DNAH7: variants seen among roughly 807,000 people sequenced by gnomAD.
The protein encoded by DNAH7 is axonemal beta dynein heavy chain 7.
A neutral mutation model predicts 444.6 loss-of-function variants in DNAH7; 397 were observed. That is an observed-to-expected ratio of 0.89 (90% CI 0.82 to 0.97). DNAH7 has a LOEUF of 0.97. Among genes scored for constraint, DNAH7 ranks in the 50% least tolerant of loss-of-function variants. The pLI is 0.00. For synonymous variants in DNAH7, 1,636 were observed against 1,624.4 expected (o/e 1.01, Z -0.17); for missense variants, 4,902 against 4,800.8 (o/e 1.02, Z -0.62).
chr2:196,016,030 C>T (rs191047622), intron 9 of DNAH7, among the ~76,000 whole-genome samples: 130 of 152,304 alleles, frequency 8.5e-4, no homozygotes, highest in African/African-American at 3.1e-3. Context: ...TCTCTGCCAC[C>T]ACAACTACGG....
Position 195,787,161 on chromosome 2 carries a change from T to C in DNAH7, c.10727A>G (p.Lys3576Arg), listed in dbSNP as rs1695660751. Reference sequence around the variant, plus strand: ...GAAACACAGGCCATAAAGCAATTTCTTGAATTCCTCCTGTAATGAGAAGAA... The same window carrying C: ...GAAACACAGGCCATAAAGCAATTTCCTGAATTCCTCCTGTAATGAGAAGAA... The part of the protein sequence containing the change: ...FGSCKKPEEF[K>R]KLLYGLCFFH... Residue 3576 changes from lysine to arginine, a missense_variant, in exon 58 of 65, where the codon AAG becomes AGG. Physicochemically the swap from Lys to Arg is conservative, Grantham distance 26. Transcript: ENST00000312428. 6.3e-7 allele frequency: 1 copy of C among 1,599,846 alleles called. No individual in the cohort carries two copies. Among genetic ancestry groups the C allele is most frequent in the Non-Finnish European group, 8.5e-7 (1 of 1,176,260 alleles).
chr2:195,863,150 G>C (rs901830241), intron 41 of DNAH7, among the ~76,000 whole-genome samples: 1 of 152,240 alleles, frequency 6.6e-6, no homozygotes, highest in African/African-American at 2.4e-5. Flanking sequence ...CAGAGGTCTT[G>C]TCTATTTCAT....
At position 195,738,120 on chromosome 2, in the gene DNAH7, A is replaced by C. The variant is rs1212122374; in HGVS notation, c.11876T>G (p.Leu3959Arg). 6.2e-7 allele frequency: 1 copy of C among 1,613,646 alleles called. No homozygotes were observed. Among genetic ancestry groups the C allele is most frequent in the South Asian group, 1.1e-5 (1 of 91,066 alleles). ...ILYDTVPVMW[L>R]KPCKRADIPK... ...TATATCTGCCCTCTTACAGGGCTTT[A>C]GCCACATCTGGAAGAAAGTACATAA... Residue 3959 changes from leucine (L) to arginine (R), a missense_variant, in exon 65 of 65, where the codon CTA (leucine) becomes CGA (arginine). Transcript: ENST00000312428.
intron 58 of DNAH7, among the ~76,000 whole-genome samples, chr2:195,778,633 T>TAAAA (rs1187749777): frequency 3.3e-5 from 1 of 30,290 alleles, no homozygotes; most frequent in African/African-American, 1.3e-4. Context: ...AAAAAAAAAA[T>TAAAA]AAATAAATAA....
chr2:196,045,795 G>C (rs1456361792), intron 5 of DNAH7, among the ~76,000 whole-genome samples: 3 of 151,498 alleles, frequency 2.0e-5, no homozygotes, highest in Non-Finnish European at 4.4e-5. Flanking sequence ...TAAAAATAAA[G>C]GAAGAATAGA....
intron 21 of DNAH7, among the ~76,000 whole-genome samples, chr2:195,931,758 C>G (rs1376347952): frequency 6.6e-6 from 1 of 152,128 alleles, no homozygotes; most frequent in Non-Finnish European, 1.5e-5. Context: ...TTTCTGAGGG[C>G]TCTGTTCTGT....
Position 195,864,157 on chromosome 2 carries a change from A to G in DNAH7, c.7498T>C (p.Trp2500Arg), listed in dbSNP as rs1700180904. 2 of 1,611,814 alleles carry G rather than the reference A, an allele frequency of 1.2e-6. No individual in the cohort carries two copies. Among genetic ancestry groups the G allele is most frequent in the Non-Finnish European group, 1.7e-6 (2 of 1,178,098 alleles). ...PALVNCCTID[W>R]FQSWPEDALQ... Reference sequence around the variant, plus strand: ...AATGTACATGACAATACCTGAAACCAGTCAATGGTACAGCAGTTAACAAGA... The same window carrying G: ...AATGTACATGACAATACCTGAAACCGGTCAATGGTACAGCAGTTAACAAGA... Residue 2500 changes from tryptophan to arginine, a missense_variant, in exon 41 of 65, where the codon TGG becomes CGG. Trp to Arg is a moderately radical substitution (Grantham distance 101, BLOSUM62 -3). Coordinates refer to ENST00000312428, the MANE Select transcript of DNAH7 (RefSeq NM_018897.3).
chr2:195,805,626 T>TA (rs557384741), intron 54 of DNAH7, among the ~76,000 whole-genome samples: 2 of 152,090 alleles, frequency 1.3e-5, no homozygotes, highest in African/African-American at 2.4e-5. Flanking sequence ...CTTTCTCCTT[T>TA]AAAAAAAATT....
At position 195,857,370 on chromosome 2, in the gene DNAH7, C is replaced by G; in HGVS notation, c.8414+7G>C. On this transcript the variant is annotated splice_region_variant and intron_variant, in intron 44 of 64. Transcript: ENST00000312428. Reference sequence around the variant, plus strand: ...TACCAGCTGGATTTCTTTTTATCAGCACTTACTTATCATATGAATCCATTG... The same window carrying G: ...TACCAGCTGGATTTCTTTTTATCAGGACTTACTTATCATATGAATCCATTG... The G allele has an allele frequency of 6.5e-7, 1 of 1,549,690 alleles. No homozygotes were observed. The highest frequency in any genetic ancestry group is 8.7e-7 in the Non-Finnish European group (1 of 1,154,444).
In DNAH7 at chr2:195,810,038, T is replaced by C. The variant is rs555104208; in HGVS notation, c.9762-167A>G. 9.2e-5 allele frequency among the ~76,000 whole-genome samples: 14 copies of C among 152,166 alleles called. 1 individual carries two copies. The East Asian group carries it at 2.7e-3, about 29-fold the overall frequency. On this transcript the variant is annotated intron_variant, in intron 51 of 64. Coordinates refer to ENST00000312428, the MANE Select transcript of DNAH7 (RefSeq NM_018897.3). ...GTACCAATTTGAGAGCTACACAATG[T>C]AGAAACACTTCAGTCCAATTGCATT...
chr2:196,062,431 G>T (rs1029935837), intron 1 of DNAH7, among the ~76,000 whole-genome samples: 3 of 152,166 alleles, frequency 2.0e-5, no homozygotes, highest in Admixed American at 6.5e-5. Context: ...CACATCTCCA[G>T]TCCTATTGGA....
At chr2:195,789,160 A>T (rs1366880218) in intron 57 of DNAH7, among the ~76,000 whole-genome samples, 1 of 152,154 alleles carries the variant, frequency 6.6e-6, no homozygotes, top group Non-Finnish European at 1.5e-5. Context: ...TAATCACCAG[A>T]TAATAGAATT....
chr2:195,867,314 GT>G (rs1191614560), intron 40 of DNAH7, among the ~76,000 whole-genome samples: 5 of 152,108 alleles, frequency 3.3e-5, no homozygotes, highest in African/African-American at 1.2e-4. Context: ...ATTTTAAAAA[GT>G]TGACACTTAA....
chr2:195,775,135 A>C (rs1413874576), intron 60 of DNAH7, among the ~76,000 whole-genome samples: 1 of 152,190 alleles, frequency 6.6e-6, no homozygotes, highest in Non-Finnish European at 1.5e-5. Flanking sequence ...AACCCAATCT[A>C]TCTCTTAATA....
intron 58 of DNAH7, among the ~76,000 whole-genome samples, chr2:195,778,632 ATAAATAAATAAAT>A (rs1363823505): frequency 3.5e-5 from 2 of 57,328 alleles, no homozygotes; most frequent in African/African-American, 1.8e-4. Context: ...AAAAAAAAAA[ATAAATAAATAAAT>A]ATATATATAT....
chr2:195,960,917 G>T lies in DNAH7; in HGVS notation c.2234C>A (p.Ala745Glu). The change falls in exon 18 of 65, where the codon GCA (alanine) becomes GAA (glutamate). Residue 745 changes from alanine to glutamate, a missense_variant. Ala to Glu is a moderately radical substitution (Grantham distance 107). Transcript: ENST00000312428. ...ATATACAGATGGTAGCCAACCAAAT[G>T]CTTCCTCTTCAGCATTAAACTGCTC... Reference protein sequence around the residue: ...KIEQFNAEEEAFGWLPSVYPQ... With the variant: ...KIEQFNAEEEEFGWLPSVYPQ... 6.2e-7 allele frequency: 1 copy of T among 1,605,682 alleles called. No individual in the cohort carries two copies. The highest frequency in any genetic ancestry group is 8.5e-7 in the Non-Finnish European group (1 of 1,174,598).
chr2:195,976,101 G>A lies in DNAH7; in HGVS notation c.1834-3635C>T, dbSNP rs543109919. Among the ~76,000 whole-genome samples, 30 of 152,346 alleles carry A rather than the reference G, an allele frequency of 2.0e-4. No homozygotes were observed. In the South Asian group the frequency reaches 5.6e-3, roughly 28 times the overall value. Reference sequence around the variant, plus strand: ...CTCAGCCTTGCAGCTCGGCCACAGTGTGGCAGAGTATGAAGTGGGATCTCG... The same window carrying A: ...CTCAGCCTTGCAGCTCGGCCACAGTATGGCAGAGTATGAAGTGGGATCTCG... On this transcript the variant is annotated intron_variant, in intron 15 of 64. Coordinates refer to ENST00000312428, the MANE Select transcript of DNAH7 (RefSeq NM_018897.3).
intron 35 of DNAH7, among the ~76,000 whole-genome samples, chr2:195,883,340 G>A (rs564386066): frequency 4.6e-5 from 7 of 151,970 alleles, no homozygotes; most frequent in African/African-American, 1.7e-4. Flanking sequence ...CCAGCTACTC[G>A]GAGAGGCTGA....
At chr2:195,807,502 T>A (rs1440014508) in intron 53 of DNAH7, among the ~76,000 whole-genome samples, 1 of 152,192 alleles carries the variant, frequency 6.6e-6, no homozygotes, top group Non-Finnish European at 1.5e-5. Context: ...CCTCATCATC[T>A]ATTTACAAAA....
Sources: gnomAD v4.1 joint callset for allele counts (sites outside exome capture counted in the v4.1 genomes callset) on GRCh38, gnomAD v4.1.1 for gene constraint, MANE v1.5 for transcripts, NCBI Gene and HGNC (gene_info 2026-07-23, HGNC 2026-07-21) for gene names.